The following RALY variants were observed in gnomAD, a reference collection of about 807,000 sequenced individuals.
The protein encoded by RALY is RNA-binding protein Raly.
RALY carries 15 observed loss-of-function variants against 30.7 expected under a neutral mutation model. That is an observed-to-expected ratio of 0.49 (90% CI 0.33 to 0.75). The LOEUF (loss-of-function observed/expected upper bound fraction) is 0.75. Ranked by LOEUF, RALY falls within the 30% of genes least tolerant of loss-of-function variation. RALY has a pLI of 0.02. For synonymous variants in RALY, 177 were observed against 170.8 expected, an observed-to-expected ratio of 1.04 and a Z score of -0.28; for missense variants, 339 against 414.3, an observed-to-expected ratio of 0.82 and a Z score of 1.58.
At chr20:34,029,530 C>G (rs1213571896) in intron 1 of RALY, among the ~76,000 whole-genome samples, 4 of 52,906 alleles carry the variant, frequency 7.6e-5, no homozygotes, top group Non-Finnish European at 1.3e-4. Flanking sequence ...GGATGTAGAA[C>G]TCTTAGAGGG....
At chr20:34,060,387 G>T (rs1455630071) in intron 2 of RALY, among the ~76,000 whole-genome samples, 1 of 152,196 alleles carries the variant, frequency 6.6e-6, no homozygotes, top group African/African-American at 2.4e-5. Flanking sequence ...TTAAGTATCT[G>T]CAGATATTCC....
At chr20:34,050,496 C>G (rs1416158315) in intron 2 of RALY, among the ~76,000 whole-genome samples, 1 of 152,166 alleles carries the variant, frequency 6.6e-6, no homozygotes, top group Non-Finnish European at 1.5e-5. Context: ...CTAGAGGGAG[C>G]AGATGGCCAC....
chr20:33,995,779 T>C (rs1382578659), intron 1 of RALY, among the ~76,000 whole-genome samples: 1 of 152,234 alleles, frequency 6.6e-6, no homozygotes, highest in African/African-American at 2.4e-5. Flanking sequence ...AAGTAAGTTG[T>C]CTGAATTCAG....
chr20:34,076,848 G>T, intron 7 of RALY, 33 bp downstream of exon 7: 1 of 1,608,916 alleles, frequency 6.2e-7, no homozygotes, highest in South Asian at 1.1e-5. Context: ...CCACCTCCAT[G>T]ACCAGGGCAC....
Position 34,077,193 on chromosome 20 carries a change from C to G in RALY, c.824C>G (p.Thr275Ser). 1 of 1,613,870 alleles carries G rather than the reference C, an allele frequency of 6.2e-7. No homozygotes were observed. The highest frequency in any genetic ancestry group is 8.5e-7 in the Non-Finnish European group (1 of 1,179,968). The change falls in exon 8 of 10, where the codon ACC becomes AGC. Residue 275 changes from threonine (T) to serine (S), a missense_variant. Thr to Ser is a moderately conservative substitution (Grantham distance 58). This residue lies in a region of RALY where 268 missense variants were observed against 280.6 expected (regional missense o/e 0.95). Coordinates refer to ENST00000246194, the MANE Select transcript of RALY (RefSeq NM_016732.3). ...EAGLPQGEAR[T>S]RDDGDEEGLL... ...GGCCTGCCCCAGGGGGAAGCACGGA[C>G]CCGAGACGACGGCGATGAGGAAGGG...
chr20:34,056,187 A>G (rs550655550), intron 2 of RALY, among the ~76,000 whole-genome samples: 32 of 152,306 alleles, frequency 2.1e-4, no homozygotes, highest in Admixed American at 1.0e-3. Context: ...GCAAACCACA[A>G]TACATCATAT....
Position 34,080,991 on chromosome 20 carries a change from G to T in RALY, c.*1086G>T, listed in dbSNP as rs1037454524. 2 of 152,206 alleles carry T rather than the reference G, an allele frequency of 1.3e-5. No individual in the cohort carries two copies. The highest frequency in any genetic ancestry group is 2.9e-5 in the Non-Finnish European group (2 of 68,054). 9.4% of individuals were successfully genotyped at this position (152,206 alleles called of 1,614,324 possible). A position where few individuals can be genotyped will look rare whatever the true frequency, so the allele number is the denominator to read the frequency against. On this transcript the variant is annotated 3_prime_UTR_variant, in exon 10 of 10. Transcript: ENST00000246194. ...TGTCTGCCCCTGTCTTGGGCCACCC[G>T]TCTAGACATTTGTTCTCTAACAATC...
intron 2 of RALY, among the ~76,000 whole-genome samples, chr20:34,040,418 A>G (rs1385662986): frequency 2.6e-5 from 4 of 152,148 alleles, no homozygotes; most frequent in Non-Finnish European, 5.9e-5. Context: ...TTGTTTTAGA[A>G]ACAAGCGCTC....
At chr20:34,000,357 C>T (rs2030857904) in intron 1 of RALY, among the ~76,000 whole-genome samples, 1 of 151,592 alleles carries the variant, frequency 6.6e-6, no homozygotes, top group South Asian at 2.1e-4. Context: ...CTATAAAGGC[C>T]CAAAGAGTGG....
At chr20:34,016,437 A>G (rs911231643) in intron 1 of RALY, 17 of 152,198 alleles carry the variant, frequency 1.1e-4, no homozygotes, top group African/African-American at 4.1e-4. Flanking sequence ...GTTCACTGCT[A>G]TTGGAAGGTG....
At chr20:34,031,889 A>G (rs977154061) in intron 2 of RALY, among the ~76,000 whole-genome samples, 3 of 152,148 alleles carry the variant, frequency 2.0e-5, no homozygotes, top group Non-Finnish European at 4.4e-5. Context: ...GGGATGTGGC[A>G]GGTGGGGGGC....
At position 34,078,521 on chromosome 20, in the gene RALY, C is replaced by T. The variant is rs2033957605; in HGVS notation, c.893C>T (p.Thr298Ile). ...SEEELEHSQDTDADDGALQ is the reference protein window; with the variant it reads ...SEEELEHSQDIDADDGALQ ...CCCTATCAGGAACACAGCCAGGACA[C>T]AGACGCGGATGATGGGGCCTTGCAG... is the stretch of plus-strand genomic sequence containing the variant. Residue 298 changes from threonine to isoleucine, a missense_variant, in exon 9 of 10, where the codon ACA (threonine) becomes ATA (isoleucine). This residue lies in a region of RALY where 268 missense variants were observed against 280.6 expected (regional missense o/e 0.95). Transcript: ENST00000246194. The T allele has an allele frequency of 1.3e-6, 2 of 1,587,880 alleles. No homozygotes were observed. Among genetic ancestry groups the T allele is most frequent in the Non-Finnish European group, 1.7e-6 (2 of 1,167,014 alleles).
At chr20:34,061,279 G>A (rs1225102763) in intron 2 of RALY, among the ~76,000 whole-genome samples, 2 of 152,114 alleles carry the variant, frequency 1.3e-5, no homozygotes, top group African/African-American at 4.8e-5. Flanking sequence ...AGTGTTTGGT[G>A]GCAAGTCCTT....
chr20:34,021,925 A>T (rs181458141), intron 1 of RALY, among the ~76,000 whole-genome samples: 73 of 149,754 alleles, frequency 4.9e-4, no homozygotes, highest in South Asian at 1.7e-3. Context: ...TTAAAAAAAA[A>T]TTTTTTTTTA....
rs555054364 is a variant in RALY at position 34,067,256 on chromosome 20, G to A, written c.-9-4810G>A. On this transcript the variant is annotated intron_variant, in intron 2 of 9. Coordinates refer to ENST00000246194, the MANE Select transcript of RALY (RefSeq NM_016732.3). ...GTCGCCTAGGCTGGAGTGCAGTGGC[G>A]GTGATCAAACAGTTCTCCTGCCTCA... 3.3e-5 allele frequency among the ~76,000 whole-genome samples: 5 copies of A among 152,094 alleles called. No individual in the cohort carries two copies. The East Asian group carries it at 5.8e-4, about 18-fold the overall frequency.
intron 2 of RALY, among the ~76,000 whole-genome samples, chr20:34,062,630 T>A (rs946981771): frequency 6.6e-6 from 1 of 152,266 alleles, no homozygotes; most frequent in African/African-American, 2.4e-5. Context: ...CATCGGGGTT[T>A]CCAGTAATTG....
At chr20:33,998,753 G>C (rs772465818) in intron 1 of RALY, among the ~76,000 whole-genome samples, 23 of 152,188 alleles carry the variant, frequency 1.5e-4, no homozygotes, top group Non-Finnish European at 2.5e-4. Flanking sequence ...TGGGCAGAGA[G>C]ACCAGTTAGG....
At position 34,028,705 on chromosome 20, in the gene RALY, CAAAAAAAAAAAAAA is replaced by C. The variant is rs71338492; in HGVS notation, c.-92-2801_-92-2788del. On this transcript the variant is annotated intron_variant, in intron 1 of 9. Transcript: ENST00000246194. ...GGTGACAGAGCGAGAGACTCCATCT[CAAAAAAAAAAAAAA>C]AAAAAAAAAAAAAAACATGGCAGAG... 4.2e-3 allele frequency among the ~76,000 whole-genome samples: 86 copies of C among 20,446 alleles called. 1 individual carries two copies. Among genetic ancestry groups the C allele is most frequent in the East Asian group, 0.027 (16 of 600 alleles). 13.4% of individuals were successfully genotyped at this position (20,446 alleles called of 152,430 possible).
chr20:34,031,938 G>C (rs2032296010), intron 2 of RALY, among the ~76,000 whole-genome samples: 1 of 152,162 alleles, frequency 6.6e-6, no homozygotes, highest in South Asian at 2.1e-4. Context: ...CCTCTCACAA[G>C]CTCTTTAACA....
Sources: allele counts gnomAD v4.1 joint callset (sites outside exome capture counted in the v4.1 genomes callset), GRCh38; gene constraint gnomAD v4.1.1; regional missense constraint gnomAD v4.1.1; transcripts MANE v1.5; gene names NCBI Gene and HGNC (gene_info 2026-07-23, HGNC 2026-07-21).